The following ZNF493 variants were observed in gnomAD, a reference collection of about 807,000 sequenced individuals.
ZNF493 encodes zinc finger protein 493.
A neutral mutation model predicts 12.2 loss-of-function variants in ZNF493; 11 were observed. That is an observed-to-expected ratio of 0.90 (90% CI 0.57 to 1.50). ZNF493 has a LOEUF of 1.50. ZNF493 is among the 40% of genes most tolerant of loss of function. The probability of loss-of-function intolerance (pLI) is 0.00; values close to 1 mark genes in which losing one functional copy is unlikely to be tolerated. For missense variants in ZNF493, 950 were observed against 906.6 expected, an observed-to-expected ratio of 1.05 and a Z score of -0.61; for synonymous variants, 286 against 302.6, an observed-to-expected ratio of 0.95 and a Z score of 0.57.
intron 1 of ZNF493, among the ~76,000 whole-genome samples, chr19:21,400,262 T>C (rs1334579207): frequency 1.3e-5 from 2 of 152,024 alleles, no homozygotes; most frequent in Non-Finnish European, 2.9e-5. Context: ...ATAGAAAAAT[T>C]AGCTGGGCAT....
At position 21,425,699 on chromosome 19, in the gene ZNF493, A is replaced by G. The variant is rs530631945; in HGVS notation, c.*715A>G. 129 of 733,926 alleles carry G rather than the reference A, an allele frequency of 1.8e-4. No homozygotes were observed. Among genetic ancestry groups the G allele is most frequent in the Non-Finnish European group, 2.4e-4 (106 of 432,708 alleles). The allele number at this position is 733,926 out of a possible 1,614,324, so 45.5% of individuals were successfully genotyped here. A position where few individuals can be genotyped will look rare whatever the true frequency, so the allele number is the denominator to read the frequency against. ...CTGGAGAGAAACCCTACAAATGTGA[A>G]AAATGTGGCAAAGCTTTTAACCAAT... On this transcript the variant is annotated 3_prime_UTR_variant, in exon 4 of 4. Coordinates refer to ENST00000392288, the MANE Select transcript of ZNF493 (RefSeq NM_001076678.3).
In ZNF493 at chr19:21,423,860, G is replaced by A; in HGVS notation, c.1201G>A (p.Glu401Lys). The A allele has an allele frequency of 6.2e-7, 1 of 1,613,222 alleles. No individual in the cohort carries two copies. The highest frequency in any genetic ancestry group is 2.2e-5 in the East Asian group (1 of 44,728). The change falls in exon 4 of 4, where the codon GAA becomes AAA. Residue 401 changes from glutamate to lysine, a missense_variant. Physicochemically the swap from Glu to Lys is moderately conservative, Grantham distance 56. Transcript: ENST00000392288. ...TACTAAACATAAGATAATTCACACT[G>A]AAGAGAAATCCCACAGATGTGAAGA... ...TLTKHKIIHT[E>K]EKSHRCEECG...
chr19:21,400,284 C>T lies in ZNF493; in HGVS notation c.30+3017C>T, dbSNP rs147370029. Among the ~76,000 whole-genome samples, 186 of 152,136 alleles carry T rather than the reference C, an allele frequency of 1.2e-3. 4 individuals are homozygous for T. The East Asian group carries it at 0.031, about 26-fold the overall frequency. On this transcript the variant is annotated intron_variant, in intron 1 of 3. Coordinates refer to ENST00000392288, the MANE Select transcript of ZNF493 (RefSeq NM_001076678.3). ...AATTAGCTGGGCATGGTGGCACGCA[C>T]CTGTAGTCCCAGCTACTTGGGAGGC...
rs1028555191 is a variant in ZNF493, at chr19:21,407,042, T to A, written c.253+1186T>A. ...GTTCTTAGAAATTTATTATTTTAAT[T>A]ATATTTTTAAAAAGATTGCTTTCTT... On this transcript the variant is annotated intron_variant, in intron 3 of 3. Transcript: ENST00000392288. Among the ~76,000 whole-genome samples, 19 of 151,980 alleles carry A rather than the reference T, an allele frequency of 1.3e-4. No individual in the cohort carries two copies. The South Asian group carries it at 1.4e-3, about 12-fold the overall frequency.
chr19:21,401,232 T>A (rs2029933947), intron 1 of ZNF493, among the ~76,000 whole-genome samples: 1 of 152,238 alleles, frequency 6.6e-6, no homozygotes, highest in Non-Finnish European at 1.5e-5. Flanking sequence ...TTGTCTTTAG[T>A]TCTGTTTACT....
rs766743586 is a variant in ZNF493, at chr19:21,424,948, T to C, written c.2289T>C (p.His763=). The change falls in exon 4 of 4, where the codon CAT becomes CAC. Residue 763 remains histidine, a synonymous_variant. Coordinates refer to ENST00000392288, the MANE Select transcript of ZNF493 (RefSeq NM_001076678.3). ...ATCTTAGTAGACATAAGATAATTCA[T>C]ATTGGAATTCATACTGAAGAGACTG... ...SSHLSRHKII[H]IGIHTEETVQ... is the part of the protein sequence containing the mutation. The C allele has an allele frequency of 5.0e-6, 8 of 1,601,570 alleles. No individual in the cohort carries two copies. The South Asian group carries it at 6.7e-5, about 13-fold the overall frequency.
chr19:21,416,245 A>AT (rs951617422), intron 3 of ZNF493, among the ~76,000 whole-genome samples: 35 of 151,838 alleles, frequency 2.3e-4, no homozygotes, highest in African/African-American at 5.1e-4. Flanking sequence ...AACCTTGCAC[A>AT]TTTTTTTTCT....
intron 3 of ZNF493, among the ~76,000 whole-genome samples, chr19:21,418,111 C>T (rs1183914818): frequency 6.6e-6 from 1 of 152,138 alleles, no homozygotes; most frequent in Non-Finnish European, 1.5e-5. Context: ...CGAGGCACTG[C>T]TCGAACAGTC....
At chr19:21,405,906 T>TGAA (rs1568378005) in intron 3 of ZNF493, 50 bp downstream of exon 3, 2 of 320,822 alleles carry the variant, frequency 6.2e-6, no homozygotes, top group African/African-American at 7.3e-5. Flanking sequence ...GTTGAAAGAT[T>TGAA]TAAAAAAAAA....
At chr19:21,414,292 C>T (rs141497678) in intron 3 of ZNF493, 41 of 152,332 alleles carry the variant, frequency 2.7e-4, no homozygotes, top group African/African-American at 9.6e-4. Flanking sequence ...GGATTAACCC[C>T]TCCTGTAAAA....
chr19:21,398,616 C>T lies in ZNF493; in HGVS notation c.30+1349C>T, dbSNP rs1228146895. The T allele has an allele frequency of 4.8e-5, 22 of 455,800 alleles. 1 individual carries two copies. Among genetic ancestry groups the T allele is most frequent in the South Asian group, 3.4e-4 (21 of 62,152 alleles). 28.2% of individuals were successfully genotyped at this position (455,800 alleles called of 1,614,324 possible). On this transcript the variant is annotated intron_variant, in intron 1 of 3. Coordinates refer to ENST00000392288, the MANE Select transcript of ZNF493 (RefSeq NM_001076678.3). ...TGGTTTATTTTCTCCCATAAGATGA[C>T]CTGAGGTATGGAGTGTATCCTCTCA...
rs1243735665 is a variant in ZNF493, at chr19:21,424,784, G to A, written c.2125G>A (p.Gly709Arg). Residue 709 changes from glycine (G) to arginine (R), a missense_variant, in exon 4 of 4, where the codon GGA (glycine) becomes AGA (arginine). Gly to Arg is a moderately radical substitution (Grantham distance 125). Coordinates refer to ENST00000392288, the MANE Select transcript of ZNF493 (RefSeq NM_001076678.3). ...NLNTHKIIHTGEKPCKCEECG... is the reference protein window; with the variant it reads ...NLNTHKIIHTREKPCKCEECG... ...TAATACGCATAAGATAATTCATACT[G>A]GAGAGAAACCTTGCAAATGTGAAGA... 1.1e-5 allele frequency: 18 copies of A among 1,613,212 alleles called. No individual in the cohort carries two copies. In the Middle Eastern group the frequency reaches 8.3e-4, roughly 74 times the overall value.
In ZNF493 at chr19:21,419,623, C is replaced by G. The variant is rs970554237; in HGVS notation, c.254-3290C>G. On this transcript the variant is annotated intron_variant, in intron 3 of 3. Transcript: ENST00000392288. ...TGCTGGCAGCTGACTAGATGGTGCCCACCCAGATTAAGGGTGGGTCTGCCT... is the reference window on the plus strand; with the variant it reads ...TGCTGGCAGCTGACTAGATGGTGCCGACCCAGATTAAGGGTGGGTCTGCCT... Among the ~76,000 whole-genome samples the G allele has an allele frequency of 2.6e-5, 4 of 152,118 alleles. No homozygotes were observed. In the East Asian group the frequency reaches 7.7e-4, roughly 29 times the overall value.
intron 3 of ZNF493, among the ~76,000 whole-genome samples, chr19:21,421,669 G>C (rs951545318): frequency 6.6e-6 from 1 of 151,976 alleles, no homozygotes; most frequent in Non-Finnish European, 1.5e-5. Flanking sequence ...TGGCCACATT[G>C]TAATCTTTTA....
At chr19:21,405,457 C>T in intron 2 of ZNF493, 1 of 1,395,500 alleles carries the variant, frequency 7.2e-7, no homozygotes, top group South Asian at 1.7e-5. Flanking sequence ...CATTTCTGAG[C>T]CGGTCTGTAT....
At chr19:21,413,453 C>A in intron 3 of ZNF493, 1 of 404,302 alleles carries the variant, frequency 2.5e-6, no homozygotes, top group Non-Finnish European at 4.3e-6. Context: ...ACTGGTTGTC[C>A]CACTTTCTTC....
chr19:21,422,480 T>TTG (rs1555731807), intron 3 of ZNF493, among the ~76,000 whole-genome samples: 2 of 148,222 alleles, frequency 1.3e-5, no homozygotes, highest in Non-Finnish European at 3.0e-5. Context: ...TTTTTTTTTT[T>TTG]GAGATGTATT....
chr19:21,409,931 G>C (rs2030265377), intron 3 of ZNF493, among the ~76,000 whole-genome samples: 1 of 151,876 alleles, frequency 6.6e-6, no homozygotes, highest in African/African-American at 2.4e-5. Context: ...GACTACTTAA[G>C]ATATATAAGC....
intron 1 of ZNF493, among the ~76,000 whole-genome samples, chr19:21,399,966 T>G (rs560289184): frequency 6.6e-6 from 1 of 152,226 alleles, no homozygotes; most frequent in Non-Finnish European, 1.5e-5. Context: ...GTGAGTTTCA[T>G]GCTAAATATT....
Sources: allele counts gnomAD v4.1 joint callset (sites outside exome capture counted in the v4.1 genomes callset), GRCh38; gene constraint gnomAD v4.1.1; transcripts MANE v1.5; gene names NCBI Gene and HGNC (gene_info 2026-07-23, HGNC 2026-07-21).